The following PHIP variants were observed in gnomAD, a reference collection of about 807,000 sequenced individuals.
PHIP encodes PHIP subunit of CUL4-Ring ligase complex.
Under a neutral mutation model 236.8 loss-of-function variants are expected in PHIP, and 54 were observed. That is an observed-to-expected ratio of 0.23 (90% CI 0.18 to 0.29). The LOEUF (loss-of-function observed/expected upper bound fraction) is 0.29, where lower values mean the gene tolerates loss of function less well. PHIP is among the 10% of genes least tolerant of loss of function. PHIP has a pLI of 1.00. For missense variants in PHIP, 1,370 were observed against 2,190.8 expected (o/e 0.63, Z 7.48); for synonymous variants, 756 against 718.9 (o/e 1.05, Z -0.83).
chr6:78,978,830 A>G (rs761011355), intron 23 of PHIP, 119 bp from the exon 24 acceptor site: 4 of 770,262 alleles, frequency 5.2e-6, no homozygotes, highest in Non-Finnish European at 6.0e-6. Flanking sequence ...CCATTGTACA[A>G]TATTATATAC....
At chr6:79,038,911 T>C (rs574194674) in intron 7 of PHIP, among the ~76,000 whole-genome samples, 1 of 152,204 alleles carries the variant, frequency 6.6e-6, no homozygotes, top group South Asian at 2.1e-4. Flanking sequence ...ATCACAGAAG[T>C]GAAAAAATAT....
intron 7 of PHIP, among the ~76,000 whole-genome samples, chr6:79,033,429 G>C (rs1771769268): frequency 6.6e-6 from 1 of 152,170 alleles, no homozygotes; most frequent in Non-Finnish European, 1.5e-5. Context: ...AATGATCTTA[G>C]CTAGGTCTTT....
intron 4 of PHIP, 141 bp from the exon 5 acceptor site, chr6:79,060,959 T>A: frequency 3.7e-6 from 2 of 535,832 alleles, no homozygotes; most frequent in Non-Finnish European, 6.4e-6. Flanking sequence ...CCAGAATAAT[T>A]AAGAATTAAG....
chr6:78,991,075 C>T (rs1343926833), intron 19 of PHIP, 90 bp from the exon 20 acceptor site: 7 of 713,854 alleles, frequency 9.8e-6, no homozygotes, highest in Admixed American at 5.1e-5. Flanking sequence ...AGGAACGCTA[C>T]TCCTGATGTT....
intron 7 of PHIP, among the ~76,000 whole-genome samples, chr6:79,030,920 TTTTC>T (rs547333492): frequency 1.8e-3 from 271 of 152,020 alleles, no homozygotes; most frequent in African/African-American, 6.2e-3. Context: ...CTTGTTTCAT[TTTTC>T]TTTCTTGTTT....
chr6:78,987,356 C>A (rs1403825403), intron 21 of PHIP, among the ~76,000 whole-genome samples: 2 of 152,016 alleles, frequency 1.3e-5, no homozygotes, highest in African/African-American at 2.4e-5. Flanking sequence ...CAGTATATTT[C>A]TCTTTTTTTG....
intron 6 of PHIP, among the ~76,000 whole-genome samples, chr6:79,048,199 A>G (rs1772599175): frequency 6.6e-6 from 1 of 152,092 alleles, no homozygotes; most frequent in Non-Finnish European, 1.5e-5. Flanking sequence ...TTTTGTTGGA[A>G]ATGTAAATTT....
chr6:78,955,104 A>G (rs942125507), intron 34 of PHIP, 128 bp downstream of exon 34: 2 of 885,882 alleles, frequency 2.3e-6, no homozygotes, highest in Non-Finnish European at 3.3e-6. Flanking sequence ...AAAAACATAC[A>G]TTTTGTAATT....
At chr6:79,024,124 T>G (rs1436809578) in intron 9 of PHIP, among the ~76,000 whole-genome samples, 1 of 152,212 alleles carries the variant, frequency 6.6e-6, no homozygotes, top group Non-Finnish European at 1.5e-5. Flanking sequence ...TTTTTTCAAA[T>G]GAAGTAGTTT....
intron 7 of PHIP, among the ~76,000 whole-genome samples, chr6:79,039,196 A>G (rs937457127): frequency 6.6e-6 from 1 of 152,208 alleles, no homozygotes; most frequent in Non-Finnish European, 1.5e-5. Flanking sequence ...CCTTCAGAAA[A>G]GAAACCCACT....
chr6:78,955,588 GTAA>G (rs1469346886), intron 33 of PHIP, 22 bp downstream of exon 33: 8 of 743,658 alleles, frequency 1.1e-5, no homozygotes, highest in East Asian at 5.2e-5. Context: ...TATCAATATG[GTAA>G]TAATAATGAA....
intron 19 of PHIP, among the ~76,000 whole-genome samples, chr6:78,991,619 AG>A (rs1282230705): frequency 2.1e-4 from 32 of 152,126 alleles, no homozygotes; most frequent in African/African-American, 6.8e-4. Context: ...TTGAAATGCA[AG>A]GGTATTTGAA....
chr6:78,976,182 G>T (rs939069779), intron 24 of PHIP, among the ~76,000 whole-genome samples: 1 of 149,562 alleles, frequency 6.7e-6, no homozygotes, highest in East Asian at 2.0e-4. Context: ...CAGAGATATA[G>T]ATCAATGGAA....
chr6:79,060,368 G>A lies in PHIP; in HGVS notation c.439+110C>T, dbSNP rs927976412. On this transcript the variant is annotated intron_variant, in intron 6 of 39. Coordinates refer to ENST00000275034, the MANE Select transcript of PHIP (RefSeq NM_017934.7). ...ATCTATTTTTTTCTTTTTGAATGCA[G>A]ATGTACATAATATGAAGTTCTCTAA... 1.7e-5 allele frequency: 11 copies of A among 632,580 alleles called. No homozygotes were observed. In the Admixed American group the frequency reaches 3.3e-4, roughly 19 times the overall value. The allele number at this position is 632,580 out of a possible 1,614,324, so 39.2% of individuals were successfully genotyped here. A position where few individuals can be genotyped will look rare whatever the true frequency, so the allele number is the denominator to read the frequency against.
chr6:79,032,716 C>T lies in PHIP; in HGVS notation c.601-6552G>A, dbSNP rs1055911000. Among the ~76,000 whole-genome samples, 3 of 151,780 alleles carry T rather than the reference C, an allele frequency of 2.0e-5. No individual in the cohort carries two copies. In the South Asian group the frequency reaches 6.2e-4, roughly 32 times the overall value. Reference sequence around the variant, plus strand: ...GGGGATGCAATCAACTTCTTCCAAACTCCTGTTAATGTTGACATTCTGACC... The same window carrying T: ...GGGGATGCAATCAACTTCTTCCAAATTCCTGTTAATGTTGACATTCTGACC... On this transcript the variant is annotated intron_variant, in intron 7 of 39. Transcript: ENST00000275034.
At chr6:79,076,456 G>GTT (rs1774166325) in intron 4 of PHIP, among the ~76,000 whole-genome samples, 1 of 152,116 alleles carries the variant, frequency 6.6e-6, no homozygotes, top group African/African-American at 2.4e-5. Context: ...CAACGAACCT[G>GTT]TATCAGTTTA....
rs545775201 is a variant in PHIP, at chr6:78,967,950, C to T, written c.3205+1885G>A. ...GAGATCAAGACCATCCTGGCTAACG[C>T]GGTGAAACCCTGTCTCTACTAAAAA... On this transcript the variant is annotated intron_variant, in intron 27 of 39. Coordinates refer to ENST00000275034, the MANE Select transcript of PHIP (RefSeq NM_017934.7). Among the ~76,000 whole-genome samples the T allele has an allele frequency of 5.3e-5, 8 of 151,632 alleles. No homozygotes were observed. The South Asian group carries it at 6.3e-4, about 12-fold the overall frequency.
At chr6:78,966,774 G>GT (rs1767168455) in intron 27 of PHIP, among the ~76,000 whole-genome samples, 1 of 152,268 alleles carries the variant, frequency 6.6e-6, no homozygotes, top group East Asian at 1.9e-4. Context: ...TAAGAAAACT[G>GT]TAAGTCACTT....
At position 79,009,411 on chromosome 6, in the gene PHIP, C is replaced by G. The variant is rs140764485; in HGVS notation, c.1525-5553G>C. 6.1e-4 allele frequency among the ~76,000 whole-genome samples: 93 copies of G among 152,176 alleles called. 1 individual carries two copies. The East Asian group carries it at 0.012, about 20-fold the overall frequency. The stretch of plus-strand genomic sequence containing the variant: ...CATAGTTTCAATTCCTTCTCCTCAA[C>G]AAAACGTCTCCAATCGTCCACCCTG... On this transcript the variant is annotated intron_variant, in intron 15 of 39. Transcript: ENST00000275034.
Sources: allele counts gnomAD v4.1 joint callset (sites outside exome capture counted in the v4.1 genomes callset), GRCh38; gene constraint gnomAD v4.1.1; transcripts MANE v1.5; gene names NCBI Gene and HGNC (gene_info 2026-07-23, HGNC 2026-07-21).